TMEM272: variants seen among roughly 807,000 people sequenced by gnomAD.
The protein encoded by TMEM272 is transmembrane protein 272.
A neutral mutation model predicts 3.7 loss-of-function variants in TMEM272; 8 were observed. The ratio of observed to expected loss-of-function variants is 2.17; its 90% CI spans 1.27 to 3.91. The LOEUF (loss-of-function observed/expected upper bound fraction) is 3.91. TMEM272 is among the 30% of genes most tolerant of loss of function. The pLI is 0.00. For synonymous variants in TMEM272, 63 were observed against 39.8 expected, an observed-to-expected ratio of 1.58 and a Z score of -2.20; for missense variants, 166 against 91.5, an observed-to-expected ratio of 1.81 and a Z score of -3.32.
the TMEM272 span, among the ~76,000 whole-genome samples, chr13:51,892,484 A>G: frequency 2.0e-5 from 3 of 152,048 alleles, no homozygotes; most frequent in East Asian, 5.8e-4. Flanking sequence ...TTGTTGGGGG[A>G]TGGCTTCTGT....
At chr13:51,858,324 T>C in the TMEM272 span, among the ~76,000 whole-genome samples, 9 of 152,330 alleles carry the variant, frequency 5.9e-5, no homozygotes, top group African/African-American at 1.7e-4. Flanking sequence ...TTTACCACAA[T>C]TGAATGTATA....
Position 51,822,254 on chromosome 13 carries a change from C to T in TMEM272, c.119-117G>A, listed in dbSNP as rs576146740. The T allele has an allele frequency of 8.3e-6, 5 of 603,604 alleles. No homozygotes were observed. The East Asian group carries it at 1.4e-4, about 17-fold the overall frequency. The allele number at this position is 603,604 out of a possible 1,614,324, so 37.4% of individuals were successfully genotyped here. On this transcript the variant is annotated intron_variant, in intron 3 of 4. Transcript: ENST00000629372. ...AAATGTTAATCATGCAAACCATATG[C>T]TTGTGGGATCTGCTCAGCCTCACCA...
At chr13:51,908,985 G>T in the TMEM272 span, 10 of 1,431,792 alleles carry the variant, frequency 7.0e-6, no homozygotes, top group Non-Finnish European at 8.8e-6. Context: ...TGGAAGCAAA[G>T]GTGAGAGTCT....
the TMEM272 span, among the ~76,000 whole-genome samples, chr13:51,928,874 CTT>C: frequency 6.6e-6 from 1 of 152,136 alleles, no homozygotes. Context: ...CTTTAAAAAC[CTT>C]TTCTTTTAAA....
chr13:51,919,827 T>C, the TMEM272 span, among the ~76,000 whole-genome samples: 2 of 152,236 alleles, frequency 1.3e-5, no homozygotes, highest in Admixed American at 1.3e-4. Flanking sequence ...TTTCTTGTGC[T>C]TGTTTGCTTT....
At position 51,817,105 on chromosome 13, in the gene TMEM272, G is replaced by A. The variant is rs937772540; in HGVS notation, c.210C>T (p.Leu70=). 11 of 701,554 alleles carry A rather than the reference G, an allele frequency of 1.6e-5. No individual in the cohort carries two copies. The highest frequency in any genetic ancestry group is 2.6e-5 in the Non-Finnish European group (10 of 383,860). The allele number at this position is 701,554 out of a possible 1,614,324, so 43.5% of individuals were successfully genotyped here. A position where few individuals can be genotyped will look rare whatever the true frequency, so the allele number is the denominator to read the frequency against. Residue 70 remains leucine (L), a synonymous_variant, in exon 5 of 5, where the codon CTC becomes CTT. Coordinates refer to ENST00000629372, the MANE Select transcript of TMEM272 (RefSeq NM_001351003.2). ...TCATCCTGGTGGAGTCGTACAACAG[G>A]AGAGACACCTGGGGCGTGGTGGGGA... is the stretch of plus-strand genomic sequence containing the variant. ...GGIVGTLKVS[L]LLYDSTRMRR...
At chr13:51,863,076 G>A in the TMEM272 span, among the ~76,000 whole-genome samples, 1,999 of 152,308 alleles carry the variant, frequency 0.013, 48 homozygotes, top group African/African-American at 0.045. Context: ...GGATGTACAG[G>A]AATTCAAGCC....
chr13:51,916,862 A>AC, the TMEM272 span, among the ~76,000 whole-genome samples: 1 of 151,648 alleles, frequency 6.6e-6, no homozygotes, highest in Non-Finnish European at 1.5e-5. Context: ...CTCTTCCTCC[A>AC]CCCCGTGAGC....
chr13:51,879,277 G>A, the TMEM272 span, among the ~76,000 whole-genome samples: 4 of 152,284 alleles, frequency 2.6e-5, no homozygotes, highest in East Asian at 7.7e-4. Context: ...TCTGGTCCCT[G>A]ACCTCCTAAG....
At chr13:51,833,042 A>G (rs1956186092) in intron 2 of TMEM272, among the ~76,000 whole-genome samples, 1 of 152,086 alleles carries the variant, frequency 6.6e-6, no homozygotes, top group South Asian at 2.1e-4. Context: ...CTCAAGGAGG[A>G]GGTGATATTG....
At chr13:51,922,622 T>A in the TMEM272 span, among the ~76,000 whole-genome samples, 1 of 152,178 alleles carries the variant, frequency 6.6e-6, no homozygotes, top group East Asian at 1.9e-4. Flanking sequence ...AACAAACTAC[T>A]GCAAACTTCA....
upstream of TMEM272, among the ~76,000 whole-genome samples, chr13:51,848,605 T>C (rs776877549): frequency 1.3e-5 from 2 of 152,204 alleles, no homozygotes; most frequent in Non-Finnish European, 2.9e-5. Context: ...GGAATTTTGA[T>C]GCAAAAGAGT....
At chr13:51,850,592 G>T in the TMEM272 span, among the ~76,000 whole-genome samples, 2 of 151,960 alleles carry the variant, frequency 1.3e-5, no homozygotes, top group African/African-American at 4.8e-5. Flanking sequence ...TTTTTTCTCA[G>T]GTGGGGATAG....
At chr13:51,891,375 T>C in the TMEM272 span, among the ~76,000 whole-genome samples, 5 of 152,236 alleles carry the variant, frequency 3.3e-5, no homozygotes, top group Non-Finnish European at 5.9e-5. Flanking sequence ...ACCTGACAGA[T>C]TCCTATTAGC....
chr13:51,903,671 G>A, the TMEM272 span, among the ~76,000 whole-genome samples: 1 of 152,158 alleles, frequency 6.6e-6, no homozygotes, highest in African/African-American at 2.4e-5. Context: ...TTTCTATGGG[G>A]CCAGAGGAAA....
intron 2 of TMEM272, among the ~76,000 whole-genome samples, chr13:51,833,488 G>A (rs1593596364): frequency 6.6e-6 from 1 of 152,150 alleles, no homozygotes; most frequent in East Asian, 1.9e-4. Flanking sequence ...AGCCTGGAGA[G>A]CAATTGTGAG....
At chr13:51,886,765 AT>A in the TMEM272 span, among the ~76,000 whole-genome samples, 1 of 152,216 alleles carries the variant, frequency 6.6e-6, no homozygotes, top group Non-Finnish European at 1.5e-5. Flanking sequence ...CGGCTGGTAA[AT>A]AATTAAGTAG....
chr13:51,904,349 T>C, the TMEM272 span, among the ~76,000 whole-genome samples: 11 of 152,304 alleles, frequency 7.2e-5, no homozygotes, highest in African/African-American at 2.6e-4. Context: ...TGATGACTGC[T>C]TGGTGGCTAG....
At chr13:51,923,466 C>G in the TMEM272 span, among the ~76,000 whole-genome samples, 1 of 147,768 alleles carries the variant, frequency 6.8e-6, no homozygotes, top group South Asian at 2.2e-4. Context: ...CACACCCACA[C>G]TGAGATCGGT....
Sources: gnomAD v4.1 joint callset for allele counts (sites outside exome capture counted in the v4.1 genomes callset) on GRCh38, gnomAD v4.1.1 for gene constraint, MANE v1.5 for transcripts, NCBI Gene and HGNC (gene_info 2026-07-23, HGNC 2026-07-21) for gene names.